NEBL: variants seen among roughly 807,000 people sequenced by gnomAD.
NEBL encodes the protein nebulette.
Under a neutral mutation model 140.2 loss-of-function variants are expected in NEBL, and 122 were observed. That is an observed-to-expected ratio of 0.87 (90% CI 0.75 to 1.01). The LOEUF (loss-of-function observed/expected upper bound fraction) is 1.01. NEBL is among the 50% of genes least tolerant of loss of function. The pLI is 0.00. For synonymous variants in NEBL, 436 were observed against 398.9 expected (o/e 1.09, Z -1.11); for missense variants, 1,365 against 1,231.3 (o/e 1.11, Z -1.62).
intron 2 of NEBL, among the ~76,000 whole-genome samples, chr10:21,143,103 G>A (rs911560600): frequency 6.6e-6 from 1 of 152,118 alleles, no homozygotes; most frequent in Admixed American, 6.5e-5. Flanking sequence ...TATGCATAAT[G>A]TGAATGTAGA....
At position 21,120,397 on chromosome 10, in the gene NEBL, T is replaced by A. The variant is rs1210848173; in HGVS notation, c.164+51986A>T. 1.5e-3 allele frequency among the ~76,000 whole-genome samples: 168 copies of A among 112,994 alleles called. 3 individuals are homozygous for A. Among genetic ancestry groups the A allele is most frequent in the African/African-American group, 6.5e-3 (150 of 23,038 alleles). 74.1% of individuals were successfully genotyped at this position (112,994 alleles called of 152,430 possible). ...CTCAAAAAAAAAAAAAAAATACATA[T>A]ATATATATATATATATATATATATA... On this transcript the variant is annotated intron_variant, in intron 2 of 6. Transcript: ENST00000417816.
At chr10:20,809,315 T>C (rs61855729) in intron 25 of NEBL, among the ~76,000 whole-genome samples, 9,713 of 152,292 alleles carry the variant, frequency 0.064, 424 homozygotes, top group Non-Finnish European at 0.094. Context: ...AAAAGCCAAC[T>C]ATGCTTGCCA....
At chr10:21,132,830 G>A (rs1319479986) in intron 2 of NEBL, among the ~76,000 whole-genome samples, 2 of 152,082 alleles carry the variant, frequency 1.3e-5, no homozygotes, top group Non-Finnish European at 2.9e-5. Flanking sequence ...TGGGTTACTT[G>A]TCTTTTAATA....
At chr10:20,949,710 A>T (rs988180253) in intron 4 of NEBL, among the ~76,000 whole-genome samples, 3 of 152,200 alleles carry the variant, frequency 2.0e-5, no homozygotes, top group Non-Finnish European at 2.9e-5. Flanking sequence ...TTTTATATAG[A>T]ATACTGTGGT....
chr10:21,012,609 G>C (rs1838385139), intron 3 of NEBL, among the ~76,000 whole-genome samples: 1 of 152,060 alleles, frequency 6.6e-6, no homozygotes, highest in Non-Finnish European at 1.5e-5. Flanking sequence ...CTGGCCTCAA[G>C]TGATCCTCCT....
chr10:21,213,955 T>C (rs947968211), intron 3 of NEBL, among the ~76,000 whole-genome samples: 2 of 152,276 alleles, frequency 1.3e-5, no homozygotes, highest in African/African-American at 2.4e-5. Context: ...TGGACTTTTA[T>C]GTAAGTATCG....
chr10:20,884,919 T>C (rs1846355065), intron 4 of NEBL, among the ~76,000 whole-genome samples: 1 of 152,264 alleles, frequency 6.6e-6, no homozygotes, highest in Non-Finnish European at 1.5e-5. Context: ...GGATAGCTAA[T>C]AAAATGGCCT....
intron 2 of NEBL, among the ~76,000 whole-genome samples, chr10:21,051,015 G>A (rs1272644287): frequency 6.6e-6 from 1 of 152,134 alleles, no homozygotes; most frequent in African/African-American, 2.4e-5. Flanking sequence ...AGCCATGTGT[G>A]TATGGAATGT....
At chr10:21,184,254 C>A (rs571216689) in intron 3 of NEBL, among the ~76,000 whole-genome samples, 4 of 152,206 alleles carry the variant, frequency 2.6e-5, no homozygotes, top group Non-Finnish European at 2.9e-5. Context: ...AAGGTGTTTT[C>A]TTGTCTCAGA....
intron 2 of NEBL, among the ~76,000 whole-genome samples, chr10:21,094,376 C>A (rs1026294769): frequency 5.9e-5 from 9 of 152,164 alleles, no homozygotes; most frequent in Non-Finnish European, 1.3e-4. Flanking sequence ...GTGGCAGGCG[C>A]CTGTAGTCCC....
chr10:21,280,870 T>A (rs1842984963), intron 1 of NEBL, among the ~76,000 whole-genome samples: 1 of 152,000 alleles, frequency 6.6e-6, no homozygotes. Flanking sequence ...CCACATCGTC[T>A]TCCCAAAGTG....
At chr10:21,257,584 G>A (rs1289652055) in intron 1 of NEBL, among the ~76,000 whole-genome samples, 2 of 152,166 alleles carry the variant, frequency 1.3e-5, no homozygotes, top group African/African-American at 4.8e-5. Context: ...CAATCTGGTT[G>A]ATGTAAAAAA....
intron 4 of NEBL, among the ~76,000 whole-genome samples, chr10:20,947,060 G>A (rs1282734927): frequency 6.6e-6 from 1 of 152,168 alleles, no homozygotes; most frequent in African/African-American, 2.4e-5. Flanking sequence ...ATAGGATGAT[G>A]CTGATGATAT....
At chr10:20,918,962 C>T (rs1235853411) in intron 4 of NEBL, among the ~76,000 whole-genome samples, 1 of 152,008 alleles carries the variant, frequency 6.6e-6, no homozygotes, top group Non-Finnish European at 1.5e-5. Flanking sequence ...TAGGAAAATT[C>T]TGGAAGGAAT....
intron 2 of NEBL, among the ~76,000 whole-genome samples, chr10:21,053,029 C>T (rs1027568452): frequency 3.9e-5 from 6 of 152,234 alleles, no homozygotes; most frequent in East Asian, 3.9e-4. Flanking sequence ...CACATAGAAA[C>T]GATGTTTGAG....
chr10:20,897,090 C>T, intron 1 of NEBL, 35 bp downstream of exon 1: 3 of 1,594,162 alleles, frequency 1.9e-6, no homozygotes, highest in East Asian at 2.2e-5. Flanking sequence ...TTTAGAGGAA[C>T]AAACGCTGGT....
chr10:21,063,926 G>A (rs1835414969), intron 2 of NEBL, among the ~76,000 whole-genome samples: 1 of 149,418 alleles, frequency 6.7e-6, no homozygotes, highest in Admixed American at 6.7e-5. Context: ...AAAAAAATTA[G>A]CAGAGTGTGG....
At chr10:21,154,419 A>G (rs1449816514) in intron 2 of NEBL, among the ~76,000 whole-genome samples, 1 of 148,902 alleles carries the variant, frequency 6.7e-6, no homozygotes, top group Non-Finnish European at 1.5e-5. Flanking sequence ...AAATCGCGCC[A>G]CTGCACTCCA....
intron 2 of NEBL, among the ~76,000 whole-genome samples, chr10:21,137,901 T>G (rs1380931484): frequency 6.9e-5 from 10 of 144,242 alleles, no homozygotes; most frequent in Non-Finnish European, 1.1e-4. Context: ...CACTCCAGCC[T>G]GGGTGACAGA....
Sources: gnomAD v4.1 joint callset for allele counts (sites outside exome capture counted in the v4.1 genomes callset) on GRCh38, gnomAD v4.1.1 for gene constraint, MANE v1.5 for transcripts, NCBI Gene and HGNC (gene_info 2026-07-23, HGNC 2026-07-21) for gene names.